Variants in ANKMY1 observed in about 807,000 individuals in gnomAD.
The protein encoded by ANKMY1 is ankyrin repeat and MYND domain containing 1.
Under a neutral mutation model 102.0 loss-of-function variants are expected in ANKMY1, and 98 were observed. That is an observed-to-expected ratio of 0.96 (90% CI 0.82 to 1.14). The LOEUF is 1.14. Ranked by LOEUF, ANKMY1 falls within the 50% of genes most tolerant of loss-of-function variation. The pLI, the probability that ANKMY1 is intolerant of heterozygous loss-of-function variation, is 0.00. For missense variants in ANKMY1, 1,330 were observed against 1,347.6 expected (o/e 0.99, Z 0.20); for synonymous variants, 582 against 559.9 (o/e 1.04, Z -0.56).
downstream of ANKMY1, among the ~76,000 whole-genome samples, chr2:240,476,042 A>G (rs114240732): frequency 3.7e-3 from 569 of 152,324 alleles, 3 homozygotes; most frequent in African/African-American, 0.013. Flanking sequence ...CTAAACAGCT[A>G]AAGCAATCTT....
At chr2:240,472,750 C>G in the ANKMY1 span, among the ~76,000 whole-genome samples, 2 of 152,200 alleles carry the variant, frequency 1.3e-5, no homozygotes, top group Non-Finnish European at 2.9e-5. Flanking sequence ...AAAAATCAGT[C>G]TGTAAAGGCT....
At chr2:240,517,976 G>A (rs1354363910) in intron 9 of ANKMY1, among the ~76,000 whole-genome samples, 1 of 152,136 alleles carries the variant, frequency 6.6e-6, no homozygotes, top group Non-Finnish European at 1.5e-5. Flanking sequence ...ATTAACCTTT[G>A]ATTCTTGGGA....
At chr2:240,479,071 C>T (rs1015586135), downstream of ANKMY1, among the ~76,000 whole-genome samples, 1 of 152,228 alleles carries the variant, frequency 6.6e-6, no homozygotes, top group Admixed American at 6.5e-5. Flanking sequence ...CAAACACCAT[C>T]GTCCCCAGAA....
intron 13 of ANKMY1, among the ~76,000 whole-genome samples, chr2:240,503,218 G>T (rs973246419): frequency 2.0e-5 from 3 of 152,220 alleles, no homozygotes; most frequent in Non-Finnish European, 4.4e-5. Flanking sequence ...CTTGAACATG[G>T]ATCTTTCAGT....
intron 13 of ANKMY1, among the ~76,000 whole-genome samples, chr2:240,502,252 G>A (rs1350527315): frequency 6.7e-6 from 1 of 149,318 alleles, no homozygotes; most frequent in East Asian, 2.0e-4. Flanking sequence ...GGACAGCTCT[G>A]CCAGGGCAGT....
intron 13 of ANKMY1, among the ~76,000 whole-genome samples, chr2:240,504,725 G>A (rs944038370): frequency 6.6e-6 from 1 of 152,184 alleles, no homozygotes; most frequent in African/African-American, 2.4e-5. Context: ...ACAATGAGAA[G>A]GCCGGGTGTG....
rs369149536 is a variant in ANKMY1 at position 240,480,886 on chromosome 2, C to T, written c.3046+51G>A. ...CACCAGCACCCCAGGCCTGCGCCTT[C>T]GCCCTCAGCAGCAGCGGAACCCTTG... On this transcript the variant is annotated intron_variant, in intron 17 of 17. Coordinates refer to ENST00000401804, the MANE Select transcript of ANKMY1 (RefSeq NM_001282771.3). The T allele has an allele frequency of 4.1e-5, 64 of 1,578,206 alleles. 1 individual carries two copies. The South Asian group carries it at 4.1e-4, about 10-fold the overall frequency.
chr2:240,505,808 G>A (rs561393684), intron 13 of ANKMY1, among the ~76,000 whole-genome samples: 18 of 152,334 alleles, frequency 1.2e-4, no homozygotes, highest in African/African-American at 3.8e-4. Context: ...GAGAATATAC[G>A]TGGTATGTAG....
chr2:240,500,106 G>A lies in ANKMY1; in HGVS notation c.2658C>T (p.Arg886=), dbSNP rs2077923108. ...FRFFQDRRIA[R]CPFHTLMPAE... Reference sequence around the variant, plus strand: ...CTGGCATCAGCGTGTGGAAGGGGCAGCGGGCAATCCTCCGGTCCTGCGGCA... The same window carrying A: ...CTGGCATCAGCGTGTGGAAGGGGCAACGGGCAATCCTCCGGTCCTGCGGCA... Residue 886 remains arginine (R), a synonymous_variant, in exon 15 of 18, where the codon CGC becomes CGT. Transcript: ENST00000401804. 6.2e-7 allele frequency: 1 copy of A among 1,606,466 alleles called. No individual in the cohort carries two copies. The highest frequency in any genetic ancestry group is 1.7e-5 in the Admixed American group (1 of 59,118).
chr2:240,488,310 A>C (rs2076282608), intron 15 of ANKMY1, among the ~76,000 whole-genome samples: 1 of 152,020 alleles, frequency 6.6e-6, no homozygotes, highest in South Asian at 2.1e-4. Flanking sequence ...TGGGTTCTTT[A>C]TTCTGTTTCA....
At chr2:240,560,850 C>G, upstream of ANKMY1, 1 of 1,392,286 alleles carries the variant, frequency 7.2e-7, no homozygotes, top group Middle Eastern at 2.6e-4. Context: ...CCGCCAGCAG[C>G]CCGGCCCGCG....
chr2:240,507,513 A>T (rs574767219), intron 13 of ANKMY1, 47 bp downstream of exon 13: 13 of 1,452,284 alleles, frequency 9.0e-6, no homozygotes, highest in East Asian at 2.7e-5. Flanking sequence ...CCACCCCACC[A>T]CCCTCAAACC....
intron 4 of ANKMY1, among the ~76,000 whole-genome samples, chr2:240,551,099 G>A (rs1302613036): frequency 6.6e-6 from 1 of 151,900 alleles, no homozygotes; most frequent in Non-Finnish European, 1.5e-5. Context: ...TATGACACAG[G>A]GCAGGAGCTG....
chr2:240,520,934 C>CAACCACACA lies in ANKMY1; in HGVS notation c.1833-410_1833-402dup, dbSNP rs1352189616. Among the ~76,000 whole-genome samples, 16 of 151,034 alleles carry CAACCACACA rather than the reference C, an allele frequency of 1.1e-4. No individual in the cohort carries two copies. The highest frequency in any genetic ancestry group is 1.2e-4 in the Non-Finnish European group (8 of 67,862). On this transcript the variant is annotated intron_variant, in intron 8 of 17. Transcript: ENST00000401804. The surrounding 1 kb of genome is among the most constrained non-coding windows in gnomAD (Gnocchi z 4.8). ...CAAACCACACTACACATACAGCACACAACCACACAAACCACACACACACCA... is the reference window on the plus strand; with the variant it reads ...CAAACCACACTACACATACAGCACACAACCACACAAACCACACAAACCACACACACACCA...
intron 5 of ANKMY1, chr2:240,527,511 A>C (rs1242649646): frequency 9.2e-5 from 1 of 10,852 alleles, no homozygotes; most frequent in African/African-American, 3.4e-4. Context: ...TGGGTGGATC[A>C]ATGTTGCGTG....
chr2:240,523,822 C>T, intron 8 of ANKMY1, 63 bp downstream of exon 8: 2 of 1,567,362 alleles, frequency 1.3e-6, no homozygotes, highest in South Asian at 2.4e-5. Context: ...CGTGGGTCTG[C>T]TGAGCATAGG....
intron 8 of ANKMY1, among the ~76,000 whole-genome samples, chr2:240,521,101 T>G (rs1575120644): frequency 7.0e-6 from 1 of 143,116 alleles, no homozygotes. Context: ...ACCAGGTGGG[T>G]GGGGGTTGTG....
In ANKMY1 at chr2:240,529,875, C is replaced by T. The variant is rs1306581320; in HGVS notation, c.481-366G>A. 2.0e-5 allele frequency among the ~76,000 whole-genome samples: 3 copies of T among 151,996 alleles called. No individual in the cohort carries two copies. Among genetic ancestry groups the T allele is most frequent in the Admixed American group, 2.0e-4 (3 of 15,266 alleles). On this transcript the variant is annotated intron_variant, in intron 4 of 17. Coordinates refer to ENST00000401804, the MANE Select transcript of ANKMY1 (RefSeq NM_001282771.3). This position sits in a 1 kb window ranked among gnomAD's most constrained non-coding sequence, Gnocchi z 4.2. Reference sequence around the variant, plus strand: ...CAAACACCCCAACAGGCTGGGGCAGCAGTGGGTGGGGAGGAAGTATGCAGG... The same window carrying T: ...CAAACACCCCAACAGGCTGGGGCAGTAGTGGGTGGGGAGGAAGTATGCAGG...
At position 240,500,228 on chromosome 2, in the gene ANKMY1, T is replaced by A. The variant is rs933812748; in HGVS notation, c.2641-105A>T. 77 of 1,380,582 alleles carry A rather than the reference T, an allele frequency of 5.6e-5. No individual in the cohort carries two copies. The East Asian group carries it at 1.9e-3, about 35-fold the overall frequency. The allele number at this position is 1,380,582 out of a possible 1,614,324, so 85.5% of individuals were successfully genotyped here. The stretch of plus-strand genomic sequence containing the variant: ...CCTGTCAGCTCTTGTGATATATAAC[T>A]GAGGACGAACCCAGACAGACACACA... On this transcript the variant is annotated intron_variant, in intron 14 of 17. Coordinates refer to ENST00000401804, the MANE Select transcript of ANKMY1 (RefSeq NM_001282771.3).
Sources: gnomAD v4.1 joint callset for allele counts (sites outside exome capture counted in the v4.1 genomes callset) on GRCh38, gnomAD v4.1.1 for gene constraint, Gnocchi (gnomAD v3.1) non-coding constraint, MANE v1.5 for transcripts, NCBI Gene and HGNC (gene_info 2026-07-23, HGNC 2026-07-21) for gene names.